The following CACNB2 variants were observed in gnomAD, a reference collection of about 807,000 sequenced individuals.
CACNB2 encodes the protein calcium voltage-gated channel auxiliary subunit beta 2.
Under a neutral mutation model 73.3 loss-of-function variants are expected in CACNB2, and 42 were observed. That is an observed-to-expected ratio of 0.57 (90% CI 0.45 to 0.74). The LOEUF (loss-of-function observed/expected upper bound fraction) is 0.74. Ranked by LOEUF, CACNB2 falls within the 30% of genes least tolerant of loss-of-function variation. CACNB2 has a pLI of 0.00. For synonymous variants in CACNB2, 348 were observed against 310.3 expected, an observed-to-expected ratio of 1.12 and a Z score of -1.28; for missense variants, 940 against 853.0, an observed-to-expected ratio of 1.10 and a Z score of -1.27.
chr10:18,235,012 G>A (rs1376722247), intron 2 of CACNB2, among the ~76,000 whole-genome samples: 2 of 151,896 alleles, frequency 1.3e-5, no homozygotes, highest in African/African-American at 2.4e-5. Context: ...GTGTGGTGGC[G>A]GGCGCCTGTA....
chr10:18,403,535 T>C (rs2044120629), intron 3 of CACNB2, among the ~76,000 whole-genome samples: 1 of 152,248 alleles, frequency 6.6e-6, no homozygotes, highest in South Asian at 2.1e-4. Context: ...GCCATCATGA[T>C]ACAGCCCAAT....
At chr10:18,402,602 A>G (rs10828650) in intron 3 of CACNB2, among the ~76,000 whole-genome samples, 59,324 of 151,960 alleles carry the variant, frequency 0.39, 12,727 homozygotes, top group East Asian at 0.56. Context: ...TTCCATCTTA[A>G]TAAAGTGTGT....
intron 2 of CACNB2, among the ~76,000 whole-genome samples, chr10:18,364,451 A>C (rs1424716583): frequency 6.6e-6 from 1 of 151,404 alleles, no homozygotes; most frequent in Non-Finnish European, 1.5e-5. Context: ...CAGGCACGCA[A>C]CACCACGCCT....
chr10:18,155,898 TA>T (rs1288873976), intron 2 of CACNB2, among the ~76,000 whole-genome samples: 57 of 764 alleles, frequency 0.075, 1 homozygote, highest in East Asian at 0.38. Context: ...GAGAACATAT[TA>T]TATATATATA....
chr10:18,261,055 C>A, intron 2 of CACNB2: 2 of 1,418,904 alleles, frequency 1.4e-6, no homozygotes, highest in South Asian at 3.0e-5. Flanking sequence ...CCCCCACCCC[C>A]AAAAAAAGAC....
At chr10:18,297,977 C>T (rs1302855415) in intron 2 of CACNB2, among the ~76,000 whole-genome samples, 2 of 152,122 alleles carry the variant, frequency 1.3e-5, no homozygotes, top group African/African-American at 4.8e-5. Flanking sequence ...AATAATGCCC[C>T]CCAAGTTACT....
intron 2 of CACNB2, among the ~76,000 whole-genome samples, chr10:18,317,006 T>C (rs1039859274): frequency 2.6e-5 from 4 of 152,120 alleles, no homozygotes; most frequent in Non-Finnish European, 5.9e-5. Flanking sequence ...CTTTGCTTTT[T>C]ACCTCTACCA....
At chr10:18,186,501 G>A (rs140843244) in intron 2 of CACNB2, among the ~76,000 whole-genome samples, 1 of 152,282 alleles carries the variant, frequency 6.6e-6, no homozygotes, top group African/African-American at 2.4e-5. Flanking sequence ...AGTTCCACAG[G>A]CTGTACAGGA....
chr10:18,408,738 G>C (rs1306104017), intron 3 of CACNB2, among the ~76,000 whole-genome samples: 2 of 152,162 alleles, frequency 1.3e-5, no homozygotes, highest in African/African-American at 2.4e-5. Context: ...CGTGTCATCA[G>C]ATAGAGAAGG....
intron 2 of CACNB2, among the ~76,000 whole-genome samples, chr10:18,167,363 T>C (rs1214237037): frequency 2.0e-5 from 3 of 152,120 alleles, no homozygotes; most frequent in Non-Finnish European, 4.4e-5. Context: ...GTGTTCACTA[T>C]TGGGGTGATG....
At position 18,330,990 on chromosome 10, in the gene CACNB2, G is replaced by A. The variant is rs529991067; in HGVS notation, c.214-70934G>A. Reference sequence around the variant, plus strand: ...CCTTTTTATCTTCTGCACCATGCCCGGCCTTTTTTTTTTGGAAACCGAGTC... The same window carrying A: ...CCTTTTTATCTTCTGCACCATGCCCAGCCTTTTTTTTTTGGAAACCGAGTC... On this transcript the variant is annotated intron_variant, in intron 2 of 13. Coordinates refer to ENST00000324631, the MANE Select transcript of CACNB2 (RefSeq NM_201596.3). Among the ~76,000 whole-genome samples, 8 of 138,842 alleles carry A rather than the reference G, an allele frequency of 5.8e-5. No homozygotes were observed. In the East Asian group the frequency reaches 1.1e-3, roughly 20 times the overall value. 91.1% of individuals were successfully genotyped at this position (138,842 alleles called of 152,430 possible). A position where few individuals can be genotyped will look rare whatever the true frequency, so the allele number is the denominator to read the frequency against.
chr10:18,258,335 C>G (rs1289069543), intron 2 of CACNB2, among the ~76,000 whole-genome samples: 1 of 152,078 alleles, frequency 6.6e-6, no homozygotes, highest in East Asian at 1.9e-4. Context: ...GATCATTTCC[C>G]CAGTGTTTTC....
rs71402158 is a variant in CACNB2, at chr10:18,356,942, CTTTT to C, written c.214-44965_214-44962del. ...ACTGTGCCTGGCCCAGACTCAATTT[CTTTT>C]TTTTTTTTTTTTTTTTGAGACGGAG... On this transcript the variant is annotated intron_variant, in intron 2 of 13. Coordinates refer to ENST00000324631, the MANE Select transcript of CACNB2 (RefSeq NM_201596.3). Among the ~76,000 whole-genome samples, 36 of 101,136 alleles carry C rather than the reference CTTTT, an allele frequency of 3.6e-4. 1 individual carries two copies. Among genetic ancestry groups the C allele is most frequent in the African/African-American group, 1.1e-3 (32 of 29,370 alleles). The allele number at this position is 101,136 out of a possible 152,430, so 66.3% of individuals were successfully genotyped here.
intron 2 of CACNB2, among the ~76,000 whole-genome samples, chr10:18,176,126 C>T (rs553795725): frequency 9.9e-5 from 15 of 152,166 alleles, no homozygotes; most frequent in African/African-American, 2.4e-4. Context: ...GACAGTGGTG[C>T]GCTTCCATTC....
chr10:18,242,333 TAG>T (rs1482232649), intron 2 of CACNB2, among the ~76,000 whole-genome samples: 1 of 152,068 alleles, frequency 6.6e-6, no homozygotes. Flanking sequence ...CAAAACCAAT[TAG>T]AGAGTTAAAT....
intron 2 of CACNB2, among the ~76,000 whole-genome samples, chr10:18,183,934 C>G (rs2034019587): frequency 6.6e-6 from 1 of 152,142 alleles, no homozygotes; most frequent in Non-Finnish European, 1.5e-5. Context: ...CTGAATTGTT[C>G]TAGAGCTCCG....
chr10:18,193,421 T>A (rs575807347), intron 2 of CACNB2, among the ~76,000 whole-genome samples: 1 of 152,306 alleles, frequency 6.6e-6, no homozygotes, highest in African/African-American at 2.4e-5. Context: ...GGCTTCTTTT[T>A]ATTAGGCCAT....
At chr10:18,151,036 G>A (rs2031509541) in intron 2 of CACNB2, 61 bp downstream of exon 2, 6 of 1,076,860 alleles carry the variant, frequency 5.6e-6, no homozygotes, top group Admixed American at 1.7e-5. Flanking sequence ...ATTTTTAAAG[G>A]TGGGTTTCAC....
chr10:18,275,458 A>T (rs1389418167), intron 2 of CACNB2, among the ~76,000 whole-genome samples: 2 of 152,164 alleles, frequency 1.3e-5, no homozygotes, highest in Non-Finnish European at 2.9e-5. Flanking sequence ...TGCACAGAAT[A>T]TTAGTCTCAT....
Sources: allele counts gnomAD v4.1 joint callset (sites outside exome capture counted in the v4.1 genomes callset), GRCh38; gene constraint gnomAD v4.1.1; transcripts MANE v1.5; gene names NCBI Gene and HGNC (gene_info 2026-07-23, HGNC 2026-07-21).